Variants in SLC35C1 observed in about 807,000 individuals in gnomAD.
SLC35C1 encodes the protein GDP-fucose transporter 1.
SLC35C1 carries 8 observed loss-of-function variants against 23.2 expected under a neutral mutation model. That is an observed-to-expected ratio of 0.35 (90% CI 0.20 to 0.62). SLC35C1 has a LOEUF of 0.62. SLC35C1 is among the 20% of genes least tolerant of loss of function. The pLI is 0.75. For missense variants in SLC35C1, 422 were observed against 478.6 expected (o/e 0.88, Z 1.10); for synonymous variants, 226 against 225.1 (o/e 1.00, Z -0.04).
intron 1 of SLC35C1, chr11:45,809,806 GC>G (rs1228579068): frequency 1.3e-5 from 13 of 985,300 alleles, no homozygotes; most frequent in African/African-American, 1.7e-5. Context: ...GCATTGTTCA[GC>G]CCCTGGCTTC....
upstream of SLC35C1, chr11:45,804,843 T>G: frequency 1.0e-6 from 1 of 985,740 alleles, no homozygotes; most frequent in Non-Finnish European, 1.2e-6. Context: ...GAAGTGGACC[T>G]GCGAGCCAAG....
At position 45,805,422 on chromosome 11, in the gene SLC35C1, C is replaced by T. The variant is rs1012875170; in HGVS notation, c.-380C>T. The T allele has an allele frequency of 3.7e-6, 4 of 1,083,144 alleles. No individual in the cohort carries two copies. The highest frequency in any genetic ancestry group is 3.3e-5 in the African/African-American group (2 of 60,914). 67.1% of individuals were successfully genotyped at this position (1,083,144 alleles called of 1,614,324 possible). On this transcript the variant is annotated 5_prime_UTR_variant, in exon 1 of 2. Transcript: ENST00000314134. ...CGCGTCCTTTTCCTGCACCTTCGCCCCGCGTACCTACTCCTGCCCCGCCCT... is the reference window on the plus strand; with the variant it reads ...CGCGTCCTTTTCCTGCACCTTCGCCTCGCGTACCTACTCCTGCCCCGCCCT...
upstream of SLC35C1, chr11:45,805,009 CA>C: frequency 4.1e-6 from 4 of 985,792 alleles, no homozygotes; most frequent in Non-Finnish European, 4.8e-6. Context: ...CAGCGGAGCG[CA>C]GGGGCGGGGC....
At chr11:45,809,457 C>T (rs1395179498) in intron 1 of SLC35C1, among the ~76,000 whole-genome samples, 1 of 152,086 alleles carries the variant, frequency 6.6e-6, no homozygotes, top group Non-Finnish European at 1.5e-5. Context: ...CACAAGGCTG[C>T]CCAGTCAGGC....
rs2085929158 is a variant in SLC35C1, at chr11:45,810,705, C to T, written c.536-71C>T. The T allele has an allele frequency of 2.0e-5, 31 of 1,550,626 alleles. No individual in the cohort carries two copies. In the South Asian group the frequency reaches 2.0e-4, roughly 10 times the overall value. On this transcript the variant is annotated intron_variant, in intron 1 of 1. Coordinates refer to ENST00000314134, the MANE Select transcript of SLC35C1 (RefSeq NM_018389.5). The stretch of plus-strand genomic sequence containing the variant: ...AGTCTGTGAAATTTGGTGTCTGATC[C>T]TCTGTCCTTCTTCCTCCTCGTCCTC...
In SLC35C1 at chr11:45,805,962, C is replaced by T; in HGVS notation, c.161C>T (p.Ser54Phe). ...VVSLYWVTSISMVFLNKYLLD... is the reference protein window; with the variant it reads ...VVSLYWVTSIFMVFLNKYLLD... Reference sequence around the variant, plus strand: ...TCCCTCTACTGGGTCACCTCCATCTCCATGGTGTTCCTTAATAAGTACCTG... The same window carrying T: ...TCCCTCTACTGGGTCACCTCCATCTTCATGGTGTTCCTTAATAAGTACCTG... Residue 54 changes from serine to phenylalanine, a missense_variant, in exon 1 of 2, where the codon TCC becomes TTC. Coordinates refer to ENST00000314134, the MANE Select transcript of SLC35C1 (RefSeq NM_018389.5). The T allele has an allele frequency of 6.2e-7, 1 of 1,614,190 alleles. No individual in the cohort carries two copies. The highest frequency in any genetic ancestry group is 8.5e-7 in the Non-Finnish European group (1 of 1,180,032).
chr11:45,811,234 G>A lies in SLC35C1; in HGVS notation c.994G>A (p.Gly332Ser). The change falls in exon 2 of 2, where the codon GGC becomes AGC. Residue 332 changes from glycine (G) to serine (S), a missense_variant. By Grantham distance (56) the Gly-to-Ser change is moderately conservative. Transcript: ENST00000314134. ...GTGGACGAGCAACATGATGGTGCTGGGCGGCTCCTCCGCCTACACCTGGGT... is the reference window on the plus strand; with the variant it reads ...GTGGACGAGCAACATGATGGTGCTGAGCGGCTCCTCCGCCTACACCTGGGT... ...LWWTSNMMVL[G>S]GSSAYTWVRG... is the part of the protein sequence containing the mutation. The A allele has an allele frequency of 1.2e-6, 2 of 1,605,376 alleles. No individual in the cohort carries two copies. Among genetic ancestry groups the A allele is most frequent in the Non-Finnish European group, 1.7e-6 (2 of 1,174,862 alleles).
chr11:45,808,300 G>A (rs1209610574), intron 1 of SLC35C1, among the ~76,000 whole-genome samples: 2 of 152,002 alleles, frequency 1.3e-5, no homozygotes, highest in Non-Finnish European at 2.9e-5. Flanking sequence ...AGTAGTTCGA[G>A]ACCAGCCTGG....
chr11:45,807,624 C>T lies in SLC35C1; in HGVS notation c.535+1288C>T, dbSNP rs576298457. 1.1e-3 allele frequency among the ~76,000 whole-genome samples: 173 copies of T among 152,250 alleles called. 1 individual carries two copies. The highest frequency in any genetic ancestry group is 8.3e-4 in the South Asian group (4 of 4,816). On this transcript the variant is annotated intron_variant, in intron 1 of 1. Transcript: ENST00000314134. ...GCTCAGGGTCCCAGGCTAGATGCAC[C>T]GGTTGGTGGGGGAAGGGACCCATCC...
At chr11:45,804,880 C>G (rs946965022), upstream of SLC35C1, 1 of 985,674 alleles carries the variant, frequency 1.0e-6, no homozygotes, top group African/African-American at 1.7e-5. Context: ...GACGGAGGCT[C>G]CGGGGCGGAC....
Position 45,810,781 on chromosome 11 carries a change from T to C in SLC35C1, c.541T>C (p.Phe181Leu). ...LLTCGIIIGG[F>L]WLGVDQEGAE... ...TCCTCCTCTCCCCACTGCAGGGGGC[T>C]TCTGGCTTGGTGTGGACCAGGAGGG... Residue 181 changes from phenylalanine to leucine, a missense_variant, in exon 2 of 2, where the codon TTC becomes CTC. Coordinates refer to ENST00000314134, the MANE Select transcript of SLC35C1 (RefSeq NM_018389.5). The C allele has an allele frequency of 1.2e-6, 2 of 1,610,362 alleles. No individual in the cohort carries two copies. Among genetic ancestry groups the C allele is most frequent in the Non-Finnish European group, 1.7e-6 (2 of 1,178,018 alleles).
Position 45,811,395 on chromosome 11 carries a change from A to G in SLC35C1, c.*60A>G. ...GCCCGTACACAGGCGGGGCCAGCAC[A>G]GTAGTGAAGGCGGTCTCCTGGACCC... is the stretch of plus-strand genomic sequence containing the variant. On this transcript the variant is annotated 3_prime_UTR_variant, in exon 2 of 2. Coordinates refer to ENST00000314134, the MANE Select transcript of SLC35C1 (RefSeq NM_018389.5). 1 of 1,376,136 alleles carries G rather than the reference A, an allele frequency of 7.3e-7. No individual in the cohort carries two copies. The highest frequency in any genetic ancestry group is 9.6e-7 in the Non-Finnish European group (1 of 1,044,912). 85.2% of individuals were successfully genotyped at this position (1,376,136 alleles called of 1,614,324 possible).
intron 1 of SLC35C1, chr11:45,810,392 GTTA>G: frequency 1.0e-6 from 1 of 985,416 alleles, no homozygotes; most frequent in Non-Finnish European, 1.2e-6. Flanking sequence ...CAGTTCAACT[GTTA>G]TTTTCAGATG....
Position 45,805,963 on chromosome 11 carries a change from C to T in SLC35C1, c.162C>T (p.Ser54=), listed in dbSNP as rs762753487. ...VVSLYWVTSI[S]MVFLNKYLLD... is the part of the protein sequence containing the mutation. ...CCCTCTACTGGGTCACCTCCATCTC[C>T]ATGGTGTTCCTTAATAAGTACCTGC... Residue 54 remains serine, a synonymous_variant, in exon 1 of 2, where the codon TCC becomes TCT. Coordinates refer to ENST00000314134, the MANE Select transcript of SLC35C1 (RefSeq NM_018389.5). 6.2e-7 allele frequency: 1 copy of T among 1,614,062 alleles called. No individual in the cohort carries two copies. Among genetic ancestry groups the T allele is most frequent in the Non-Finnish European group, 8.5e-7 (1 of 1,180,032 alleles).
upstream of SLC35C1, chr11:45,804,883 G>A: frequency 2.0e-6 from 2 of 985,838 alleles, no homozygotes; most frequent in South Asian, 9.4e-5. Flanking sequence ...GGAGGCTCCG[G>A]GGCGGACGGA....
chr11:45,805,124 A>T, upstream of SLC35C1: 1 of 986,506 alleles, frequency 1.0e-6, no homozygotes, highest in African/African-American at 1.7e-5. Context: ...AAGTGAGTCC[A>T]GGGCCCGCCT....
At chr11:45,804,838 G>A, upstream of SLC35C1, 1 of 985,850 alleles carries the variant, frequency 1.0e-6, no homozygotes, top group Non-Finnish European at 1.2e-6. Context: ...TCCGGGAAGT[G>A]GACCTGCGAG....
At position 45,811,078 on chromosome 11, in the gene SLC35C1, A is replaced by G. The variant is rs1399102994; in HGVS notation, c.838A>G (p.Ile280Val). 6.2e-7 allele frequency: 1 copy of G among 1,613,262 alleles called. No homozygotes were observed. Among genetic ancestry groups the G allele is most frequent in the South Asian group, 1.1e-5 (1 of 91,090 alleles). The change falls in exon 2 of 2, where the codon ATC (isoleucine) becomes GTC (valine). Residue 280 changes from isoleucine to valine, a missense_variant. Physicochemically the swap from Ile to Val is conservative, Grantham distance 29. Transcript: ENST00000314134. ...GCTGGGCGGCCTGTTTGGCTTTGCC[A>G]TCGGCTACGTGACAGGACTGCAGAT... Reference protein sequence around the residue: ...MTLGGLFGFAIGYVTGLQIKF... With the variant: ...MTLGGLFGFAVGYVTGLQIKF...
Position 45,805,421 on chromosome 11 carries a change from C to A in SLC35C1, c.-381C>A. 1.9e-6 allele frequency: 2 copies of A among 1,080,164 alleles called. No homozygotes were observed. The highest frequency in any genetic ancestry group is 2.3e-6 in the Non-Finnish European group (2 of 884,972). The allele number at this position is 1,080,164 out of a possible 1,614,324, so 66.9% of individuals were successfully genotyped here. ...ACGCGTCCTTTTCCTGCACCTTCGC[C>A]CCGCGTACCTACTCCTGCCCCGCCC... On this transcript the variant is annotated 5_prime_UTR_variant, in exon 1 of 2. Transcript: ENST00000314134.
Sources: allele counts gnomAD v4.1 joint callset (sites outside exome capture counted in the v4.1 genomes callset), GRCh38; gene constraint gnomAD v4.1.1; transcripts MANE v1.5; gene names NCBI Gene and HGNC (gene_info 2026-07-23, HGNC 2026-07-21).